Variants in MAN1C1 observed in about 807,000 individuals in gnomAD.
The protein encoded by MAN1C1 is mannosyl-oligosaccharide 1,2-alpha-mannosidase IC.
A neutral mutation model predicts 71.5 loss-of-function variants in MAN1C1; 49 were observed. The ratio of observed to expected loss-of-function variants is 0.69; its 90% CI spans 0.54 to 0.87. The LOEUF (loss-of-function observed/expected upper bound fraction) is 0.87, where lower values mean the gene tolerates loss of function less well. MAN1C1 is among the 40% of genes least tolerant of loss of function. MAN1C1 has a pLI of 0.00. For missense variants in MAN1C1, 743 were observed against 835.0 expected (o/e 0.89, Z 1.36); for synonymous variants, 352 against 343.7 (o/e 1.02, Z -0.27).
intron 2 of MAN1C1, among the ~76,000 whole-genome samples, chr1:25,714,739 T>C (rs1193806585): frequency 6.6e-6 from 1 of 152,190 alleles, no homozygotes; most frequent in East Asian, 1.9e-4. Flanking sequence ...CCAGGTAGAA[T>C]CAATGAAGCT....
chr1:25,776,131 T>C lies in MAN1C1; in HGVS notation c.1258-1974T>C, dbSNP rs2047616186. ...CAAACTACTGGGCTCAAATGATCCA[T>C]CTGCCTCAGCCTCCCAAAGTGCTGG... On this transcript the variant is annotated intron_variant, in intron 8 of 11. Transcript: ENST00000374332. The surrounding 1 kb of genome is among the most constrained non-coding windows in gnomAD (Gnocchi z 4.3). 1 of 152,206 alleles carries C rather than the reference T, an allele frequency of 6.6e-6. No homozygotes were observed. The highest frequency in any genetic ancestry group is 6.5e-5 in the Admixed American group (1 of 15,270). 9.4% of individuals were successfully genotyped at this position (152,206 alleles called of 1,614,324 possible).
intron 1 of MAN1C1, among the ~76,000 whole-genome samples, chr1:25,626,154 A>G (rs577955588): frequency 2.6e-5 from 4 of 152,220 alleles, no homozygotes; most frequent in Non-Finnish European, 5.9e-5. Context: ...TGACTTTATA[A>G]GAAACTGGAA....
chr1:25,629,178 T>A (rs2045343726), intron 1 of MAN1C1, among the ~76,000 whole-genome samples: 1 of 152,236 alleles, frequency 6.6e-6, no homozygotes, highest in Admixed American at 6.5e-5. Flanking sequence ...CATACTGTTT[T>A]CCATAGAGGC....
intron 2 of MAN1C1, among the ~76,000 whole-genome samples, chr1:25,686,947 A>G (rs1377863370): frequency 6.6e-6 from 1 of 152,110 alleles, no homozygotes; most frequent in East Asian, 1.9e-4. Context: ...ATTGCTGAAC[A>G]CATATCTGAT....
At chr1:25,698,947 T>TG (rs1478918358) in intron 2 of MAN1C1, among the ~76,000 whole-genome samples, 2 of 140,712 alleles carry the variant, frequency 1.4e-5, no homozygotes, top group East Asian at 4.4e-4. Context: ...GACTCTGTCT[T>TG]GGAAAAAAAA....
At chr1:25,763,486 CA>C (rs60144894) in intron 6 of MAN1C1, among the ~76,000 whole-genome samples, 7,299 of 87,408 alleles carry the variant, frequency 0.084, 188 homozygotes, top group East Asian at 0.25. Flanking sequence ...GAGACTGTCT[CA>C]AAAAAAAAAA....
chr1:25,713,683 T>C (rs1468378403), intron 2 of MAN1C1, among the ~76,000 whole-genome samples: 1 of 152,194 alleles, frequency 6.6e-6, no homozygotes, highest in East Asian at 1.9e-4. Context: ...AAGAGGCCCA[T>C]GGATGTGCCT....
At chr1:25,744,442 T>C (rs1258911381) in intron 2 of MAN1C1, among the ~76,000 whole-genome samples, 5 of 152,120 alleles carry the variant, frequency 3.3e-5, no homozygotes, top group Admixed American at 3.3e-4. Flanking sequence ...CAGGACGCAG[T>C]GCTGGGTCCT....
chr1:25,737,479 A>C (rs887865170), intron 2 of MAN1C1, among the ~76,000 whole-genome samples: 1 of 152,166 alleles, frequency 6.6e-6, no homozygotes, highest in African/African-American at 2.4e-5. Flanking sequence ...GGGCCTGGTA[A>C]AGTGTTGGAG....
At chr1:25,768,241 C>A (rs1337511264) in intron 7 of MAN1C1, among the ~76,000 whole-genome samples, 1 of 65,714 alleles carries the variant, frequency 1.5e-5, no homozygotes, top group African/African-American at 6.0e-5. Flanking sequence ...ACTCCCCTCA[C>A]ACACATCCAC....
chr1:25,717,289 T>A (rs2046693667), intron 2 of MAN1C1, among the ~76,000 whole-genome samples: 1 of 152,120 alleles, frequency 6.6e-6, no homozygotes, highest in African/African-American at 2.4e-5. Context: ...GGTGGGTGGA[T>A]CACTTGAGCC....
intron 2 of MAN1C1, among the ~76,000 whole-genome samples, chr1:25,697,634 T>C (rs2046385882): frequency 6.6e-6 from 1 of 152,234 alleles, no homozygotes; most frequent in African/African-American, 2.4e-5. Context: ...GCCAGACTGT[T>C]CTATAGCGGC....
rs202190357 is a variant in MAN1C1, at chr1:25,753,621, A to G, written c.929+43A>G. The G allele has an allele frequency of 4.1e-3, 6,456 of 1,560,810 alleles. 15 individuals are homozygous for G. The highest frequency in any genetic ancestry group is 5.1e-3 in the Non-Finnish European group (5,806 of 1,136,676). On this transcript the variant is annotated intron_variant, in intron 5 of 11. Coordinates refer to ENST00000374332, the MANE Select transcript of MAN1C1 (RefSeq NM_020379.4). The surrounding 1 kb of genome is among the most constrained non-coding windows in gnomAD (Gnocchi z 4.9). The stretch of plus-strand genomic sequence containing the variant: ...TCCCCACTGGGGCTTTACTGCGACC[A>G]TGCCCACCATTTGTGTTTTGTCTGG...
intron 4 of MAN1C1, among the ~76,000 whole-genome samples, chr1:25,752,752 C>T (rs2047233452): frequency 6.6e-6 from 1 of 152,246 alleles, no homozygotes; most frequent in African/African-American, 2.4e-5. Context: ...GGCCTGGGAC[C>T]TCGCTGTGGC....
intron 3 of MAN1C1, among the ~76,000 whole-genome samples, chr1:25,748,046 G>A (rs2047161369): frequency 6.6e-6 from 1 of 152,134 alleles, no homozygotes; most frequent in Non-Finnish European, 1.5e-5. Flanking sequence ...GAAAGGTGGA[G>A]GAAGGAGAAG....
intron 2 of MAN1C1, among the ~76,000 whole-genome samples, chr1:25,719,706 G>A (rs1446116901): frequency 6.6e-6 from 1 of 152,130 alleles, no homozygotes; most frequent in Admixed American, 6.6e-5. Context: ...GGGATTATAG[G>A]TGTCAGTCAC....
intron 2 of MAN1C1, among the ~76,000 whole-genome samples, chr1:25,739,082 A>G (rs1198712110): frequency 2.6e-5 from 4 of 152,168 alleles, no homozygotes; most frequent in Admixed American, 6.5e-5. Context: ...GCAGTAAGCT[A>G]TGATCACACC....
At chr1:25,780,678 T>G in intron 9 of MAN1C1, 1 of 395,010 alleles carries the variant, frequency 2.5e-6, no homozygotes, top group Non-Finnish European at 4.6e-6. Context: ...GACTGCTGAG[T>G]AGCTCATTTG....
At chr1:25,783,041 G>T (rs928936872) in intron 11 of MAN1C1, among the ~76,000 whole-genome samples, 1 of 152,174 alleles carries the variant, frequency 6.6e-6, no homozygotes, top group Non-Finnish European at 1.5e-5. Flanking sequence ...TGTCAGTGCT[G>T]GTTGCTGGCA....
Sources: allele counts gnomAD v4.1 joint callset (sites outside exome capture counted in the v4.1 genomes callset), GRCh38; gene constraint gnomAD v4.1.1; non-coding constraint Gnocchi (gnomAD v3.1); transcripts MANE v1.5; gene names NCBI Gene and HGNC (gene_info 2026-07-23, HGNC 2026-07-21).